Variants in FAM78A observed in about 807,000 individuals in gnomAD.
The protein encoded by FAM78A is family with sequence similarity 78 member A.
In FAM78A, 12 loss-of-function variants were observed where a neutral mutation model predicts 22.6. The observed-to-expected ratio is 0.53, with a 90% CI of 0.34 to 0.86. FAM78A has a LOEUF of 0.86. FAM78A is among the 40% of genes least tolerant of loss of function. The pLI is 0.02. For synonymous variants in FAM78A, 151 were observed against 155.8 expected, an observed-to-expected ratio of 0.97 and a Z score of 0.23; for missense variants, 322 against 396.1, an observed-to-expected ratio of 0.81 and a Z score of 1.59.
upstream of FAM78A, among the ~76,000 whole-genome samples, chr9:131,280,084 G>T (rs1835527439): frequency 6.6e-6 from 1 of 151,308 alleles, no homozygotes; most frequent in Non-Finnish European, 1.5e-5. Flanking sequence ...CATCACCCCT[G>T]CACAGGATGT....
chr9:131,270,028 C>A (rs984397338), intron 1 of FAM78A, among the ~76,000 whole-genome samples: 14 of 126,360 alleles, frequency 1.1e-4, no homozygotes. Flanking sequence ...AACCCCATCC[C>A]TACTAAAATA....
intron 1 of FAM78A, among the ~76,000 whole-genome samples, chr9:131,268,362 G>GT (rs1270242545): frequency 6.6e-6 from 1 of 151,592 alleles, no homozygotes; most frequent in Non-Finnish European, 1.5e-5. Flanking sequence ...CCACCACCGG[G>GT]TCACCAGGCC....
chr9:131,273,785 A>G (rs1159977284), intron 1 of FAM78A, among the ~76,000 whole-genome samples: 1 of 152,240 alleles, frequency 6.6e-6, no homozygotes, highest in Non-Finnish European at 1.5e-5. Context: ...AGCTTGGCGC[A>G]GGGCTGACTG....
intron 1 of FAM78A, among the ~76,000 whole-genome samples, chr9:131,268,867 TGG>T (rs1336758434): frequency 7.6e-5 from 11 of 144,840 alleles, no homozygotes; most frequent in Admixed American, 5.0e-4. Context: ...CACTCCAGCC[TGG>T]GCGACAGAGC....
At chr9:131,266,473 GTCCTCA>G (rs1430493502) in intron 1 of FAM78A, among the ~76,000 whole-genome samples, 2 of 151,414 alleles carry the variant, frequency 1.3e-5, no homozygotes, top group African/African-American at 2.4e-5. Context: ...CGTCATCCTC[GTCCTCA>G]TCCTCATCCT....
intron 1 of FAM78A, chr9:131,270,673 TAC>T (rs1166415190): frequency 8.3e-6 from 5 of 605,058 alleles, no homozygotes; most frequent in Non-Finnish European, 1.5e-5. Flanking sequence ...GCCTTCCGGT[TAC>T]AGAGAGGAAG....
At position 131,261,416 on chromosome 9, in the gene FAM78A, C is replaced by T; in HGVS notation, c.324-66G>A. 2 of 1,447,834 alleles carry T rather than the reference C, an allele frequency of 1.4e-6. No homozygotes were observed. The highest frequency in any genetic ancestry group is 1.8e-6 in the Non-Finnish European group (2 of 1,098,558). 89.7% of individuals were successfully genotyped at this position (1,447,834 alleles called of 1,614,324 possible). On this transcript the variant is annotated intron_variant, in intron 1 of 1. Coordinates refer to ENST00000372271, the MANE Select transcript of FAM78A (RefSeq NM_033387.4). The surrounding 1 kb of genome is among the most constrained non-coding windows in gnomAD (Gnocchi z 7.1). ...AGGAGGGCTTTCTGTGTCCCCCTGG[C>T]AGGCCAGGGGCTGTCCTGGGCCCTG...
chr9:131,277,938 C>T (rs1218167073), upstream of FAM78A, among the ~76,000 whole-genome samples: 1 of 148,364 alleles, frequency 6.7e-6, no homozygotes, highest in Non-Finnish European at 1.5e-5. The surrounding 1 kb of genome is among the most constrained non-coding windows in gnomAD (Gnocchi z 8.4). Flanking sequence ...GGCCCCTGCG[C>T]CGGCCCGGCC....
rs1835461689 is a variant in FAM78A, at chr9:131,274,764, CACTTGCAAA to C, written c.323+1084_323+1092del. Among the ~76,000 whole-genome samples the C allele has an allele frequency of 6.6e-6, 1 of 152,128 alleles. No individual in the cohort carries two copies. The highest frequency in any genetic ancestry group is 2.4e-5 in the African/African-American group (1 of 41,414). Reference sequence around the variant, plus strand: ...CCTGGGGAAATTCTCCTCTTTTCCCCACTTGCAAAACGGGGACGTGAAGCTGCACAGGGT... The same window carrying C: ...CCTGGGGAAATTCTCCTCTTTTCCCCACGGGGACGTGAAGCTGCACAGGGT... On this transcript the variant is annotated intron_variant, in intron 1 of 1. Coordinates refer to ENST00000372271, the MANE Select transcript of FAM78A (RefSeq NM_033387.4). The surrounding 1 kb of genome is among the most constrained non-coding windows in gnomAD (Gnocchi z 4.2).
At chr9:131,280,280 C>A (rs895199200), upstream of FAM78A, among the ~76,000 whole-genome samples, 1 of 152,076 alleles carries the variant, frequency 6.6e-6, no homozygotes. Context: ...GCGGCCCCTC[C>A]GGCCCTGCCG....
chr9:131,264,391 C>T (rs1564236379), intron 1 of FAM78A: 2 of 567,502 alleles, frequency 3.5e-6, no homozygotes, highest in East Asian at 6.0e-5. Flanking sequence ...AAATCGTCAC[C>T]AGGCTGCGTG....
rs1446017701 is a variant in FAM78A, at chr9:131,276,197, C to G, written c.-18G>C. The G allele has an allele frequency of 6.2e-7, 1 of 1,603,304 alleles. No individual in the cohort carries two copies. Reference sequence around the variant, plus strand: ...CCAGGCATTGAAAGGACAGAGGCTGCAGGACCCAGTACAGACGGCGCTGCT... The same window carrying G: ...CCAGGCATTGAAAGGACAGAGGCTGGAGGACCCAGTACAGACGGCGCTGCT... On this transcript the variant is annotated 5_prime_UTR_variant, in exon 1 of 2. Coordinates refer to ENST00000372271, the MANE Select transcript of FAM78A (RefSeq NM_033387.4). The surrounding 1 kb of genome is among the most constrained non-coding windows in gnomAD (Gnocchi z 4.3).
Position 131,276,021 on chromosome 9 carries a change from GCTAGT to G in FAM78A, c.154_158del (p.Thr52HisfsTer3), listed in dbSNP as rs755408405. 1.9e-6 allele frequency: 3 copies of G among 1,613,658 alleles called. No individual in the cohort carries two copies. Among genetic ancestry groups the G allele is most frequent in the African/African-American group, 1.3e-5 (1 of 74,936 alleles). On this transcript the variant is annotated frameshift_variant, in exon 1 of 2. Coordinates refer to ENST00000372271, the MANE Select transcript of FAM78A (RefSeq NM_033387.4). LOFTEE classifies it high-confidence loss of function. This position sits in a 1 kb window ranked among gnomAD's most constrained non-coding sequence, Gnocchi z 4.3. ...GCACCACGCTGGAGGACTCATCGAT[GCTAGT>G]GGGGACGGGGTCGATGGAGGCTTTC...
rs370003700 is a variant in FAM78A at position 131,260,682 on chromosome 9, G to A, written c.*140C>T. On this transcript the variant is annotated 3_prime_UTR_variant, in exon 2 of 2. Transcript: ENST00000372271. This position sits in a 1 kb window ranked among gnomAD's most constrained non-coding sequence, Gnocchi z 5.4. ...TGCCGAGAGCCGGGGAGGCCTTCCCGGGGGCATCAGCACAGTGAGATCCGC... is the reference window on the plus strand; with the variant it reads ...TGCCGAGAGCCGGGGAGGCCTTCCCAGGGGCATCAGCACAGTGAGATCCGC... 33 of 1,065,452 alleles carry A rather than the reference G, an allele frequency of 3.1e-5. No individual in the cohort carries two copies. Among genetic ancestry groups the A allele is most frequent in the Non-Finnish European group, 4.1e-5 (32 of 777,500 alleles). The allele number at this position is 1,065,452 out of a possible 1,614,324, so 66.0% of individuals were successfully genotyped here.
At chr9:131,262,171 A>G (rs1169286149) in intron 1 of FAM78A, among the ~76,000 whole-genome samples, 1 of 151,900 alleles carries the variant, frequency 6.6e-6, no homozygotes, top group East Asian at 1.9e-4. Flanking sequence ...ACTAAAAAAA[A>G]TAGAAAAAAT....
chr9:131,276,460 C>G lies in FAM78A; in HGVS notation c.-281G>C, dbSNP rs190460518. ...GGTTCTGACATCCAGCCCTTCTGTG[C>G]CTCACACGCGGGGACGGCAGCTCGC... On this transcript the variant is annotated 5_prime_UTR_variant, in exon 1 of 2. Transcript: ENST00000372271. The surrounding 1 kb of genome is among the most constrained non-coding windows in gnomAD (Gnocchi z 4.3). 297 of 297,922 alleles carry G rather than the reference C, an allele frequency of 1.0e-3. 2 individuals are homozygous for G. The highest frequency in any genetic ancestry group is 6.2e-3 in the African/African-American group (285 of 45,866). 18.5% of individuals were successfully genotyped at this position (297,922 alleles called of 1,614,324 possible).
Position 131,275,812 on chromosome 9 carries a change from G to C in FAM78A, c.323+45C>G, listed in dbSNP as rs762272462. The C allele has an allele frequency of 3.7e-5, 57 of 1,525,832 alleles. No homozygotes were observed. The Admixed American group carries it at 1.1e-3, about 29-fold the overall frequency. 94.5% of individuals were successfully genotyped at this position (1,525,832 alleles called of 1,614,324 possible). A position where few individuals can be genotyped will look rare whatever the true frequency, so the allele number is the denominator to read the frequency against. ...GGCCCCCCACCAGGCCTCCAAGCTC[G>C]GCCATCCCTAGCAGTTCCCAGAGCT... On this transcript the variant is annotated intron_variant, in intron 1 of 1. Transcript: ENST00000372271. The surrounding 1 kb of genome is among the most constrained non-coding windows in gnomAD (Gnocchi z 4.6).
Position 131,274,842 on chromosome 9 carries a change from G to A in FAM78A, c.323+1015C>T, listed in dbSNP as rs1003774571. On this transcript the variant is annotated intron_variant, in intron 1 of 1. Coordinates refer to ENST00000372271, the MANE Select transcript of FAM78A (RefSeq NM_033387.4). This position sits in a 1 kb window ranked among gnomAD's most constrained non-coding sequence, Gnocchi z 4.2. ...TGGGAGTGTCAGCGGCCAGTCACGG[G>A]GCCACAGGGTAGACACTGAGAGAGG... Among the ~76,000 whole-genome samples, 1 of 151,554 alleles carries A rather than the reference G, an allele frequency of 6.6e-6. No individual in the cohort carries two copies. The highest frequency in any genetic ancestry group is 6.6e-5 in the Admixed American group (1 of 15,228).
chr9:131,269,454 C>T (rs967694165), intron 1 of FAM78A, among the ~76,000 whole-genome samples: 11 of 151,704 alleles, frequency 7.3e-5, no homozygotes, highest in South Asian at 4.2e-4. Flanking sequence ...TATTAGGAGC[C>T]GTGCTGGAGT....
Sources: gnomAD v4.1 joint callset for allele counts (sites outside exome capture counted in the v4.1 genomes callset) on GRCh38, gnomAD v4.1.1 for gene constraint, Gnocchi (gnomAD v3.1) non-coding constraint, MANE v1.5 for transcripts, NCBI Gene and HGNC (gene_info 2026-07-23, HGNC 2026-07-21) for gene names.